CDC73: variants seen among roughly 807,000 people sequenced by gnomAD.
CDC73 encodes the protein cell division cycle 73.
CDC73 carries 21 observed loss-of-function variants against 83.7 expected under a neutral mutation model. That is an observed-to-expected ratio of 0.25 (90% CI 0.18 to 0.36). CDC73 has a LOEUF of 0.36. CDC73 is among the 10% of genes least tolerant of loss of function. The pLI, the probability that CDC73 is intolerant of heterozygous loss-of-function variation, is 1.00. For missense variants in CDC73, 342 were observed against 653.3 expected (o/e 0.52, Z 5.19); for synonymous variants, 224 against 212.9 (o/e 1.05, Z -0.45).
chr1:193,202,612 T>TC (rs1449243977), intron 10 of CDC73, among the ~76,000 whole-genome samples: 1 of 124,020 alleles, frequency 8.1e-6, no homozygotes, highest in East Asian at 2.3e-4. Flanking sequence ...TCCTCAGGTG[T>TC]CTTTTTTTTT....
intron 10 of CDC73, among the ~76,000 whole-genome samples, chr1:193,158,982 A>G (rs1265973555): frequency 6.6e-6 from 1 of 152,202 alleles, no homozygotes; most frequent in Non-Finnish European, 1.5e-5. Flanking sequence ...TGCATTTTTC[A>G]TAGACTTTTC....
chr1:193,219,743 T>C (rs1677433835), intron 13 of CDC73, among the ~76,000 whole-genome samples: 1 of 152,070 alleles, frequency 6.6e-6, no homozygotes, highest in South Asian at 2.1e-4. Context: ...GGGTGGAAGC[T>C]GGGAAGAGGG....
At chr1:193,225,470 A>G (rs1193221358) in intron 13 of CDC73, among the ~76,000 whole-genome samples, 1 of 151,920 alleles carries the variant, frequency 6.6e-6, no homozygotes, top group Admixed American at 6.6e-5. Flanking sequence ...TTAGTTTTTT[A>G]AGGAATCTCC....
At chr1:193,145,729 T>C (rs983299809) in intron 7 of CDC73, among the ~76,000 whole-genome samples, 1 of 152,234 alleles carries the variant, frequency 6.6e-6, no homozygotes, top group Non-Finnish European at 1.5e-5. Context: ...TTATATTTGC[T>C]GCTCCAGAGA....
rs1017724227 is a variant in CDC73, at chr1:193,169,859, T to A, written c.972+17415T>A. Among the ~76,000 whole-genome samples the A allele has an allele frequency of 2.9e-4, 44 of 152,234 alleles. 1 individual carries two copies. The highest frequency in any genetic ancestry group is 2.5e-3 in the Admixed American group (38 of 15,288). On this transcript the variant is annotated intron_variant, in intron 10 of 16. Transcript: ENST00000367435. ...TGCAGGTTTGTTACACATGTAAACT[T>A]GTGTCATGGGGGTTTGTTGTACAGA...
At chr1:193,172,185 A>G (rs148916199) in intron 10 of CDC73, among the ~76,000 whole-genome samples, 3,825 of 150,828 alleles carry the variant, frequency 0.025, 73 homozygotes, top group Middle Eastern at 0.049. Context: ...TCGGCCTCCC[A>G]AAGTGTTGGG....
chr1:193,178,219 G>C (rs1676645611), intron 10 of CDC73, among the ~76,000 whole-genome samples: 1 of 152,068 alleles, frequency 6.6e-6, no homozygotes, highest in Non-Finnish European at 1.5e-5. Flanking sequence ...TTTACTGTTT[G>C]ATCCAGTCGC....
intron 8 of CDC73, 92 bp downstream of exon 8, chr1:193,148,057 A>G: frequency 1.2e-6 from 1 of 864,724 alleles, no homozygotes; most frequent in Non-Finnish European, 1.9e-6. Flanking sequence ...ACATTTTAAA[A>G]TCAGTGGATT....
chr1:193,149,376 G>T (rs77337552), intron 8 of CDC73, among the ~76,000 whole-genome samples: 7 of 144,098 alleles, frequency 4.9e-5, no homozygotes, highest in Admixed American at 1.4e-4. Flanking sequence ...CTTATTAGAT[G>T]TTTTTTTTTT....
In CDC73 at chr1:193,233,167, C is replaced by CTA. The variant is rs747940099; in HGVS notation, c.1316+23_1316+24dup. Reference sequence around the variant, plus strand: ...TGCCTCAAGACTGGTAAGATAGTCTCTATATATATATCTTTTCACAGGTGT... The same window carrying CTA: ...TGCCTCAAGACTGGTAAGATAGTCTCTATATATATATATCTTTTCACAGGTGT... On this transcript the variant is annotated intron_variant, in intron 14 of 16. Transcript: ENST00000367435. 5.6e-5 allele frequency: 89 copies of CTA among 1,592,282 alleles called. No homozygotes were observed. Among genetic ancestry groups the CTA allele is most frequent in the East Asian group, 1.3e-4 (6 of 44,740 alleles).
rs1264446677 is a variant in CDC73, at chr1:193,144,868, C to T, written c.729+2802C>T. On this transcript the variant is annotated intron_variant, in intron 7 of 16. Coordinates refer to ENST00000367435, the MANE Select transcript of CDC73 (RefSeq NM_024529.5). ...AATAAATTTGTTCCTTGAAGGAAAG[C>T]AACTGATAGTATTTGTTGCCAATGA... is the stretch of plus-strand genomic sequence containing the variant. Among the ~76,000 whole-genome samples the T allele has an allele frequency of 2.0e-5, 3 of 149,640 alleles. No individual in the cohort carries two copies. The East Asian group carries it at 5.9e-4, about 29-fold the overall frequency.
At chr1:193,203,262 C>T (rs1355216744) in intron 10 of CDC73, among the ~76,000 whole-genome samples, 1 of 152,024 alleles carries the variant, frequency 6.6e-6, no homozygotes, top group Non-Finnish European at 1.5e-5. Context: ...CTCATCTGCT[C>T]TTAATTCAAA....
At chr1:193,132,307 T>G (rs1675710089) in intron 3 of CDC73, among the ~76,000 whole-genome samples, 1 of 152,206 alleles carries the variant, frequency 6.6e-6, no homozygotes, top group African/African-American at 2.4e-5. Context: ...GTGCTTATTC[T>G]TAAAAGGCAT....
chr1:193,185,431 G>A (rs1288485125), intron 10 of CDC73, among the ~76,000 whole-genome samples: 3 of 151,660 alleles, frequency 2.0e-5, no homozygotes, highest in African/African-American at 7.3e-5. Flanking sequence ...GTATCTTCTT[G>A]TAGCTTGGTA....
At chr1:193,235,066 A>G (rs898622140) in intron 14 of CDC73, among the ~76,000 whole-genome samples, 2 of 152,078 alleles carry the variant, frequency 1.3e-5, no homozygotes, top group African/African-American at 4.8e-5. Flanking sequence ...CATTAATTGC[A>G]GTGGTTATCA....
chr1:193,162,385 C>T (rs1676354227), intron 10 of CDC73, among the ~76,000 whole-genome samples: 1 of 139,280 alleles, frequency 7.2e-6, no homozygotes, highest in African/African-American at 2.7e-5. Context: ...TATATATACA[C>T]ATATGAAGAC....
chr1:193,191,278 G>A (rs1414258706), intron 10 of CDC73, among the ~76,000 whole-genome samples: 2 of 152,130 alleles, frequency 1.3e-5, no homozygotes, highest in Non-Finnish European at 2.9e-5. Flanking sequence ...ATTTGTAATT[G>A]TTACATTCAC....
chr1:193,181,303 A>T, intron 10 of CDC73: 1 of 1,614,044 alleles, frequency 6.2e-7, no homozygotes, highest in Non-Finnish European at 8.5e-7. Flanking sequence ...GGTTTGAGGG[A>T]CTGTTTCTTT....
chr1:193,137,514 T>A (rs1248511881), intron 5 of CDC73, among the ~76,000 whole-genome samples: 1 of 152,232 alleles, frequency 6.6e-6, no homozygotes, highest in Non-Finnish European at 1.5e-5. Flanking sequence ...CATCATAATA[T>A]GTGAATTAGA....
Sources: allele counts gnomAD v4.1 joint callset (sites outside exome capture counted in the v4.1 genomes callset), GRCh38; gene constraint gnomAD v4.1.1; transcripts MANE v1.5; gene names NCBI Gene and HGNC (gene_info 2026-07-23, HGNC 2026-07-21).